The following ZCCHC7 variants were observed in gnomAD, a reference collection of about 807,000 sequenced individuals.
The protein encoded by ZCCHC7 is zinc finger CCHC domain-containing protein 7.
A neutral mutation model predicts 52.0 loss-of-function variants in ZCCHC7; 35 were observed. That is an observed-to-expected ratio of 0.67 (90% CI 0.51 to 0.89). The LOEUF (loss-of-function observed/expected upper bound fraction) is 0.89, where lower values mean the gene tolerates loss of function less well. Ranked by LOEUF, ZCCHC7 falls within the 40% of genes least tolerant of loss-of-function variation. ZCCHC7 has a pLI of 0.00. For synonymous variants in ZCCHC7, 217 were observed against 221.5 expected (o/e 0.98, Z 0.18); for missense variants, 574 against 649.1 (o/e 0.88, Z 1.26).
At chr9:37,254,581 T>G (rs1186455000) in intron 2 of ZCCHC7, among the ~76,000 whole-genome samples, 1 of 151,962 alleles carries the variant, frequency 6.6e-6, no homozygotes, top group Non-Finnish European at 1.5e-5. Flanking sequence ...CCCGCTAATA[T>G]GTGTTTATTA....
At position 37,176,700 on chromosome 9, in the gene ZCCHC7, C is replaced by T. The variant is rs12686731; in HGVS notation, c.610+49758C>T. On this transcript the variant is annotated intron_variant, in intron 2 of 8. Coordinates refer to ENST00000336755, the MANE Select transcript of ZCCHC7 (RefSeq NM_032226.3). The stretch of plus-strand genomic sequence containing the variant: ...ATGCTTCTAAATGTCAGTGAGTGCC[C>T]TCAGCTTCTGACAATGCTTAATCTA... 7.1e-4 allele frequency among the ~76,000 whole-genome samples: 108 copies of T among 151,972 alleles called. 1 individual carries two copies. In the East Asian group the frequency reaches 0.02, roughly 28 times the overall value.
At chr9:37,132,385 T>TATACA (rs1379818008) in intron 2 of ZCCHC7, among the ~76,000 whole-genome samples, 18 of 152,334 alleles carry the variant, frequency 1.2e-4, no homozygotes, top group Non-Finnish European at 1.9e-4. Flanking sequence ...TATACAAAAA[T>TATACA]AAAATGTTAT....
intron 5 of ZCCHC7, among the ~76,000 whole-genome samples, chr9:37,315,235 C>T (rs1829766244): frequency 6.6e-6 from 1 of 151,918 alleles, no homozygotes; most frequent in East Asian, 1.9e-4. Flanking sequence ...AGGCTCTTAA[C>T]ATTGCTTTTC....
intron 2 of ZCCHC7, among the ~76,000 whole-genome samples, chr9:37,144,064 C>T (rs1265210288): frequency 6.6e-6 from 1 of 151,694 alleles, no homozygotes; most frequent in Non-Finnish European, 1.5e-5. Flanking sequence ...CGTAAATTAA[C>T]GGGAGCCATA....
At chr9:37,156,986 A>G (rs1347617951) in intron 2 of ZCCHC7, among the ~76,000 whole-genome samples, 1 of 151,998 alleles carries the variant, frequency 6.6e-6, no homozygotes, top group Non-Finnish European at 1.5e-5. Context: ...TGTTGATCCT[A>G]TAAGGTCAAA....
At chr9:37,338,886 G>A (rs575531452) in intron 6 of ZCCHC7, among the ~76,000 whole-genome samples, 5 of 151,984 alleles carry the variant, frequency 3.3e-5, no homozygotes, top group Admixed American at 6.6e-5. Flanking sequence ...TTTTTTCTAC[G>A]TAGCATGTGT....
chr9:37,306,907 C>T (rs903035471), intron 5 of ZCCHC7, among the ~76,000 whole-genome samples: 2 of 150,238 alleles, frequency 1.3e-5, no homozygotes, highest in Non-Finnish European at 3.0e-5. Context: ...CCTGCCTCAG[C>T]CTCCCAAGTA....
intron 2 of ZCCHC7, among the ~76,000 whole-genome samples, chr9:37,201,685 C>T (rs1823638281): frequency 6.6e-6 from 1 of 152,116 alleles, no homozygotes. Context: ...CATCCTAGGG[C>T]ACTTAAAGAT....
intron 2 of ZCCHC7, among the ~76,000 whole-genome samples, chr9:37,283,354 C>A (rs919310415): frequency 8.1e-4 from 124 of 152,258 alleles, no homozygotes; most frequent in African/African-American, 2.7e-3. Context: ...ATTAAACTTT[C>A]TGTATTTTTG....
intron 2 of ZCCHC7, among the ~76,000 whole-genome samples, chr9:37,157,540 C>T (rs906332552): frequency 3.3e-5 from 5 of 152,054 alleles, no homozygotes; most frequent in Non-Finnish European, 4.4e-5. Flanking sequence ...TTATAACCCA[C>T]GTATCTGATA....
Position 37,141,908 on chromosome 9 carries a change from G to C in ZCCHC7, c.610+14966G>C, listed in dbSNP as rs181259625. 1.3e-4 allele frequency among the ~76,000 whole-genome samples: 20 copies of C among 151,946 alleles called. No homozygotes were observed. The East Asian group carries it at 3.9e-3, about 29-fold the overall frequency. ...TTTTATAACATAACTTTGTACTGCT[G>C]AATTTAAGTCCTTGAAGTGCTATGG... On this transcript the variant is annotated intron_variant, in intron 2 of 8. Transcript: ENST00000336755.
chr9:37,316,896 GA>G (rs1829847722), intron 5 of ZCCHC7, among the ~76,000 whole-genome samples: 2 of 137,334 alleles, frequency 1.5e-5, no homozygotes, highest in Admixed American at 1.4e-4. Flanking sequence ...TATACCAATA[GA>G]AAAAAAATTG....
chr9:37,120,529 C>T, upstream of ZCCHC7: 1 of 399,118 alleles, frequency 2.5e-6, no homozygotes, highest in East Asian at 3.6e-5. Context: ...CGGGTCTGCG[C>T]GGACGCGGCC....
At chr9:37,285,138 C>T (rs1828146834) in intron 2 of ZCCHC7, among the ~76,000 whole-genome samples, 1 of 151,966 alleles carries the variant, frequency 6.6e-6, no homozygotes, top group Non-Finnish European at 1.5e-5. Flanking sequence ...GTCCAGATAT[C>T]CAGCGCTTGG....
chr9:37,203,165 A>T (rs1477879437), intron 2 of ZCCHC7, among the ~76,000 whole-genome samples: 2 of 152,210 alleles, frequency 1.3e-5, no homozygotes, highest in Non-Finnish European at 2.9e-5. Flanking sequence ...TGGGGAAGCT[A>T]TATAACCTTA....
intron 2 of ZCCHC7, among the ~76,000 whole-genome samples, chr9:37,262,395 CTAATT>C (rs1358354956): frequency 6.6e-6 from 1 of 152,108 alleles, no homozygotes; most frequent in Non-Finnish European, 1.5e-5. Context: ...TTTATGAACT[CTAATT>C]TACTTATCAA....
rs1312893189 is a variant in ZCCHC7 at position 37,349,339 on chromosome 9, C to A, written c.988-18C>A. The A allele has an allele frequency of 6.2e-7, 1 of 1,612,308 alleles. No homozygotes were observed. Among genetic ancestry groups the A allele is most frequent in the Admixed American group, 1.7e-5 (1 of 59,804 alleles). ...TTCTTCTAACATCAACAAACCCTCA[C>A]AAATATTCATGTTGCAGACCAAACC... On this transcript the variant is annotated intron_variant, in intron 6 of 8. Coordinates refer to ENST00000336755, the MANE Select transcript of ZCCHC7 (RefSeq NM_032226.3).
intron 3 of ZCCHC7, among the ~76,000 whole-genome samples, chr9:37,302,509 G>T (rs750781744): frequency 1.3e-5 from 2 of 152,076 alleles, no homozygotes; most frequent in Non-Finnish European, 2.9e-5. Flanking sequence ...GATCAACACC[G>T]GAAATAACTG....
intron 5 of ZCCHC7, chr9:37,327,070 A>G (rs1291658302): frequency 1.3e-5 from 2 of 152,134 alleles, no homozygotes; most frequent in Non-Finnish European, 2.9e-5. Flanking sequence ...TCGTAAGAAA[A>G]TATATTCTAA....
Sources: allele counts gnomAD v4.1 joint callset (sites outside exome capture counted in the v4.1 genomes callset), GRCh38; gene constraint gnomAD v4.1.1; transcripts MANE v1.5; gene names NCBI Gene and HGNC (gene_info 2026-07-23, HGNC 2026-07-21).